Variants in FRMD4B observed in about 807,000 individuals in gnomAD.
FRMD4B encodes the protein FERM domain-containing protein 4B.
In FRMD4B, 74 loss-of-function variants were observed where a neutral mutation model predicts 141.5. The ratio of observed to expected loss-of-function variants is 0.52; its 90% CI spans 0.43 to 0.63. FRMD4B has a LOEUF of 0.63. Ranked by LOEUF, FRMD4B falls within the 30% of genes least tolerant of loss-of-function variation. The probability of loss-of-function intolerance (pLI) is 0.00; values close to 1 mark genes in which losing one functional copy is unlikely to be tolerated. For missense variants in FRMD4B, 1,366 were observed against 1,253.4 expected (o/e 1.09, Z -1.36); for synonymous variants, 506 against 467.9 (o/e 1.08, Z -1.05).
intron 9 of FRMD4B, among the ~76,000 whole-genome samples, chr3:69,220,180 G>T (rs757683374): frequency 6.6e-6 from 1 of 152,160 alleles, no homozygotes; most frequent in South Asian, 2.1e-4. Flanking sequence ...AACCTGGATG[G>T]TAGAGCCTAC....
At chr3:69,266,688 GCTAA>G (rs1362793053) in intron 5 of FRMD4B, among the ~76,000 whole-genome samples, 2 of 152,124 alleles carry the variant, frequency 1.3e-5, no homozygotes, top group African/African-American at 4.8e-5. Context: ...ACGTATGAAT[GCTAA>G]CTAAGAAATG....
chr3:69,211,733 A>G (rs973790071), intron 11 of FRMD4B, among the ~76,000 whole-genome samples: 1 of 152,170 alleles, frequency 6.6e-6, no homozygotes, highest in Non-Finnish European at 1.5e-5. Flanking sequence ...CCTTTGTTTC[A>G]TTACAGTTTG....
intron 1 of FRMD4B, among the ~76,000 whole-genome samples, chr3:69,364,225 C>T (rs1703569270): frequency 6.6e-6 from 1 of 152,218 alleles, no homozygotes; most frequent in Admixed American, 6.5e-5. Context: ...TCAGTTACTG[C>T]CTTGATGATT....
At chr3:69,487,897 T>C (rs888813308) in intron 1 of FRMD4B, among the ~76,000 whole-genome samples, 1 of 152,212 alleles carries the variant, frequency 6.6e-6, no homozygotes, top group Non-Finnish European at 1.5e-5. Flanking sequence ...ATCACTACCC[T>C]TGAATTTGTG....
At chr3:69,436,352 A>G (rs957781694) in intron 1 of FRMD4B, among the ~76,000 whole-genome samples, 6 of 152,204 alleles carry the variant, frequency 3.9e-5, no homozygotes, top group African/African-American at 7.2e-5. Context: ...CTTTCTTAAC[A>G]CTGATAATAA....
chr3:69,175,837 G>C (rs1423644639), intron 22 of FRMD4B, among the ~76,000 whole-genome samples: 2 of 144,808 alleles, frequency 1.4e-5, no homozygotes, highest in African/African-American at 5.2e-5. Context: ...CTGGAGTGCA[G>C]TGGCGCGATC....
At chr3:69,221,084 T>G (rs2093189911) in intron 9 of FRMD4B, among the ~76,000 whole-genome samples, 1 of 152,056 alleles carries the variant, frequency 6.6e-6, no homozygotes, top group African/African-American at 2.4e-5. Flanking sequence ...TGCCTCAGCT[T>G]CTCGAGTAGC....
intron 7 of FRMD4B, among the ~76,000 whole-genome samples, chr3:69,228,925 TG>T (rs1041855302): frequency 6.6e-6 from 1 of 151,902 alleles, no homozygotes; most frequent in African/African-American, 2.4e-5. Flanking sequence ...AACTGCAAAT[TG>T]TCAATAGTGA....
intron 11 of FRMD4B, among the ~76,000 whole-genome samples, chr3:69,205,838 T>C (rs1318825583): frequency 6.6e-6 from 1 of 152,184 alleles, no homozygotes; most frequent in African/African-American, 2.4e-5. Flanking sequence ...ATGAAGGATT[T>C]AACAATTTTT....
chr3:69,542,288 G>A (rs1701199859), exon 1 of FRMD4B: 1 of 152,250 alleles, frequency 6.6e-6, no homozygotes, highest in Non-Finnish European at 1.5e-5. Context: ...CGCGGGACCT[G>A]GGGACCCGGC....
At chr3:69,236,382 C>G (rs1315313380) in intron 7 of FRMD4B, among the ~76,000 whole-genome samples, 1 of 152,016 alleles carries the variant, frequency 6.6e-6, no homozygotes, top group African/African-American at 2.4e-5. Flanking sequence ...GCACCTGCCA[C>G]GATGCCCGGG....
At chr3:69,483,231 A>T (rs1706160204) in intron 1 of FRMD4B, among the ~76,000 whole-genome samples, 1 of 152,252 alleles carries the variant, frequency 6.6e-6, no homozygotes, top group South Asian at 2.1e-4. Context: ...TTCCCAACCC[A>T]TGTCAGTGTG....
intron 3 of FRMD4B, among the ~76,000 whole-genome samples, chr3:69,308,653 T>A (rs1297343151): frequency 1.3e-5 from 2 of 152,136 alleles, no homozygotes; most frequent in Non-Finnish European, 1.5e-5. Flanking sequence ...TTGCCCAGGC[T>A]GGTCTGGAAT....
At chr3:69,237,980 C>T (rs2093357193) in intron 7 of FRMD4B, among the ~76,000 whole-genome samples, 1 of 152,202 alleles carries the variant, frequency 6.6e-6, no homozygotes, top group Non-Finnish European at 1.5e-5. Flanking sequence ...AATCGGCCGG[C>T]GTTGGCCTCC....
chr3:69,458,149 G>A (rs1026755714), intron 1 of FRMD4B, among the ~76,000 whole-genome samples: 1 of 152,116 alleles, frequency 6.6e-6, no homozygotes, highest in African/African-American at 2.4e-5. Context: ...TAAGCAAATG[G>A]CAAATTAATA....
intron 3 of FRMD4B, among the ~76,000 whole-genome samples, chr3:69,304,483 C>CAAA (rs1313360753): frequency 4.7e-4 from 32 of 67,482 alleles, no homozygotes; most frequent in African/African-American, 6.9e-4. Context: ...GATTCTATCT[C>CAAA]AAAAAAAAAA....
intron 5 of FRMD4B, among the ~76,000 whole-genome samples, chr3:69,250,669 G>A (rs1017431484): frequency 1.3e-5 from 2 of 150,938 alleles, no homozygotes; most frequent in African/African-American, 4.9e-5. Context: ...ATGCTTTGAA[G>A]ACTAAAATTC....
At chr3:69,189,823 TTAAC>T (rs1456634168) in intron 18 of FRMD4B, 69 bp downstream of exon 18, 23 of 924,112 alleles carry the variant, frequency 2.5e-5, no homozygotes, top group Non-Finnish European at 3.5e-5. Context: ...TAGGCCTTAC[TTAAC>T]TAAGAAAATT....
intron 7 of FRMD4B, among the ~76,000 whole-genome samples, chr3:69,242,411 T>C (rs1442167163): frequency 6.6e-6 from 1 of 151,546 alleles, no homozygotes; most frequent in East Asian, 1.9e-4. Context: ...AAAGTGTTTT[T>C]ATCCTCCCTT....
Sources: gnomAD v4.1 joint callset for allele counts (sites outside exome capture counted in the v4.1 genomes callset) on GRCh38, gnomAD v4.1.1 for gene constraint, MANE v1.5 for transcripts, NCBI Gene and HGNC (gene_info 2026-07-23, HGNC 2026-07-21) for gene names.